Variants in TARBP1 observed in about 807,000 individuals in gnomAD.
TARBP1 encodes the protein tRNA (guanosine(18)-2'-O)-methyltransferase TARBP1.
Under a neutral mutation model 178.6 loss-of-function variants are expected in TARBP1, and 144 were observed. The ratio of observed to expected loss-of-function variants is 0.81; its 90% CI spans 0.70 to 0.93. TARBP1 has a LOEUF of 0.93. Ranked by LOEUF, TARBP1 falls within the 40% of genes least tolerant of loss-of-function variation. The probability of loss-of-function intolerance (pLI) is 0.00; values close to 1 mark genes in which losing one functional copy is unlikely to be tolerated. For missense variants in TARBP1, 2,067 were observed against 2,011.7 expected, an observed-to-expected ratio of 1.03 and a Z score of -0.53; for synonymous variants, 787 against 781.0, an observed-to-expected ratio of 1.01 and a Z score of -0.13.
At chr1:234,466,409 G>A (rs2103283565) in intron 4 of TARBP1, among the ~76,000 whole-genome samples, 1 of 152,288 alleles carries the variant, frequency 6.6e-6, no homozygotes, top group East Asian at 1.9e-4. Context: ...CTACTTGGGA[G>A]GCTGAGGCAT....
intron 3 of TARBP1, among the ~76,000 whole-genome samples, chr1:234,470,652 T>C (rs1668954832): frequency 8.9e-6 from 1 of 111,908 alleles, no homozygotes; most frequent in African/African-American, 3.9e-5. Context: ...AGTCTTGCTC[T>C]GTCACCAGCC....
At chr1:234,471,316 C>A (rs1368690707) in intron 2 of TARBP1, 59 bp from the exon 3 acceptor site, 3 of 1,087,752 alleles carry the variant, frequency 2.8e-6, no homozygotes, top group Non-Finnish European at 2.7e-6. Context: ...AAATGTCAGG[C>A]AATTTTCATC....
intron 11 of TARBP1, 111 bp downstream of exon 11, chr1:234,448,369 C>T (rs1666395151): frequency 2.3e-6 from 2 of 857,740 alleles, no homozygotes; most frequent in South Asian, 1.5e-5. Context: ...TAGTACCTTC[C>T]TTGACACCTT....
At chr1:234,393,910 A>G in intron 26 of TARBP1, 73 bp from the exon 27 acceptor site, 1 of 1,076,596 alleles carries the variant, frequency 9.3e-7, no homozygotes, top group Non-Finnish European at 1.3e-6. Flanking sequence ...ATACATGTAT[A>G]TGTATTTTTA....
chr1:234,445,837 C>T (rs575425021), intron 12 of TARBP1, among the ~76,000 whole-genome samples: 13 of 152,128 alleles, frequency 8.5e-5, no homozygotes, highest in African/African-American at 3.1e-4. Context: ...ATATAACTTA[C>T]ATATCACACA....
In TARBP1 at chr1:234,406,179, A is replaced by G; in HGVS notation, c.3793-80T>C. On this transcript the variant is annotated intron_variant, in intron 23 of 29. Coordinates refer to ENST00000040877, the MANE Select transcript of TARBP1 (RefSeq NM_005646.4). ...CACTTGTATGACACAAAAAAAGTAC[A>G]CGAATGATACAACTGCTCCTAGTAA... 3.1e-6 allele frequency: 4 copies of G among 1,290,470 alleles called. No homozygotes were observed. In the South Asian group the frequency reaches 5.5e-5, roughly 18 times the overall value. The allele number at this position is 1,290,470 out of a possible 1,614,324, so 79.9% of individuals were successfully genotyped here. A position where few individuals can be genotyped will look rare whatever the true frequency, so the allele number is the denominator to read the frequency against.
intron 12 of TARBP1, 128 bp from the exon 13 acceptor site, chr1:234,437,500 A>G: frequency 1.9e-6 from 1 of 515,168 alleles, no homozygotes; most frequent in Non-Finnish European, 3.5e-6. Flanking sequence ...AATTGCAATA[A>G]TATAATAATC....
At chr1:234,446,755 A>G (rs376190417) in intron 12 of TARBP1, 48 bp downstream of exon 12, 7 of 1,525,400 alleles carry the variant, frequency 4.6e-6, no homozygotes, top group Non-Finnish European at 6.2e-6. Context: ...AACTCTAAAT[A>G]CCAATGCTAT....
rs1425009748 is a variant in TARBP1, at chr1:234,467,489, A to T, written c.1248+13T>A. The T allele has an allele frequency of 6.4e-7, 1 of 1,570,264 alleles. No homozygotes were observed. Among genetic ancestry groups the T allele is most frequent in the Admixed American group, 2.0e-5 (1 of 51,220 alleles). On this transcript the variant is annotated intron_variant, in intron 4 of 29. Transcript: ENST00000040877. The stretch of plus-strand genomic sequence containing the variant: ...CAACAATGGGAGCAAGGAAGGGGAC[A>T]GGGTGTCATTACCTCAGAAAATTCT...
intron 12 of TARBP1, among the ~76,000 whole-genome samples, chr1:234,446,245 T>C (rs1340885713): frequency 6.6e-6 from 1 of 152,162 alleles, no homozygotes; most frequent in African/African-American, 2.4e-5. Context: ...TCAACTGCTG[T>C]TTTACATACC....
intron 9 of TARBP1, among the ~76,000 whole-genome samples, chr1:234,457,435 C>T (rs1262189334): frequency 6.6e-6 from 1 of 152,178 alleles, no homozygotes; most frequent in Non-Finnish European, 1.5e-5. Context: ...AATATCTTTT[C>T]TTCTAAATAG....
intron 20 of TARBP1, among the ~76,000 whole-genome samples, chr1:234,423,298 A>G (rs1663967879): frequency 6.6e-6 from 1 of 152,114 alleles, no homozygotes; most frequent in Non-Finnish European, 1.5e-5. Flanking sequence ...TATTTTGCCT[A>G]TGTGATTATT....
At chr1:234,472,651 A>G (rs1164879005) in intron 2 of TARBP1, 63 bp downstream of exon 2, 1 of 1,100,568 alleles carries the variant, frequency 9.1e-7, no homozygotes, top group Non-Finnish European at 1.3e-6. Context: ...CTTTTAATGA[A>G]TGTTTTTAAA....
In TARBP1 at chr1:234,450,577, A is replaced by G; in HGVS notation, c.1723-11T>C. On this transcript the variant is annotated splice_polypyrimidine_tract_variant and intron_variant, in intron 9 of 29. Coordinates refer to ENST00000040877, the MANE Select transcript of TARBP1 (RefSeq NM_005646.4). The stretch of plus-strand genomic sequence containing the variant: ...TAGCCAGTCACACAGCTGGAAAAGA[A>G]AACAGTTATTACTTTATTTTAAAAA... 1 of 1,606,756 alleles carries G rather than the reference A, an allele frequency of 6.2e-7. No homozygotes were observed. The highest frequency in any genetic ancestry group is 1.7e-4 in the Middle Eastern group (1 of 6,026).
chr1:234,430,353 G>C, intron 14 of TARBP1, 52 bp from the exon 15 acceptor site: 1 of 1,526,534 alleles, frequency 6.6e-7, no homozygotes, highest in South Asian at 1.2e-5. Context: ...GTCTTAATCA[G>C]TAATGACCTC....
At chr1:234,439,993 C>T (rs1443635319) in intron 12 of TARBP1, among the ~76,000 whole-genome samples, 1 of 152,060 alleles carries the variant, frequency 6.6e-6, no homozygotes, top group African/African-American at 2.4e-5. Context: ...TAGGCCATAT[C>T]CCACATAAAC....
chr1:234,430,663 T>C (rs1376997386), intron 14 of TARBP1, among the ~76,000 whole-genome samples: 3 of 152,166 alleles, frequency 2.0e-5, no homozygotes, highest in African/African-American at 7.2e-5. Context: ...CATACACATC[T>C]GCATGCAGCA....
chr1:234,408,094 T>C (rs1168870761), intron 23 of TARBP1: 3 of 152,204 alleles, frequency 2.0e-5, no homozygotes. Flanking sequence ...GATGCTTTCA[T>C]ACATATCAGT....
intron 12 of TARBP1, among the ~76,000 whole-genome samples, chr1:234,443,180 C>G (rs1456051858): frequency 6.6e-6 from 1 of 151,656 alleles, no homozygotes; most frequent in Non-Finnish European, 1.5e-5. Context: ...ATCTCAGCTA[C>G]TCGGGAGGCT....
Sources: allele counts gnomAD v4.1 joint callset (sites outside exome capture counted in the v4.1 genomes callset), GRCh38; gene constraint gnomAD v4.1.1; transcripts MANE v1.5; gene names NCBI Gene and HGNC (gene_info 2026-07-23, HGNC 2026-07-21).